Variants in GCGR observed in about 807,000 individuals in gnomAD.
GCGR encodes the protein glucagon receptor.
Under a neutral mutation model 56.1 loss-of-function variants are expected in GCGR, and 41 were observed. That is an observed-to-expected ratio of 0.73 (90% CI 0.57 to 0.95). The LOEUF is 0.95. Ranked by LOEUF, GCGR falls within the 40% of genes least tolerant of loss-of-function variation. GCGR has a pLI of 0.00. For synonymous variants in GCGR, 278 were observed against 271.1 expected (o/e 1.03, Z -0.25); for missense variants, 595 against 638.2 (o/e 0.93, Z 0.73).
At position 81,811,855 on chromosome 17, in the gene GCGR, C is replaced by T; in HGVS notation, c.818-31C>T. 6.5e-7 allele frequency: 1 copy of T among 1,537,034 alleles called. No individual in the cohort carries two copies. Among genetic ancestry groups the T allele is most frequent in the South Asian group, 1.2e-5 (1 of 84,060 alleles). ...AGGGGGTTAAGGCAGGCTGACCAAG[C>T]CTTTGGGACCACAGCTGCTGCCCCC... On this transcript the variant is annotated intron_variant, in intron 8 of 13. Coordinates refer to ENST00000400723, the MANE Select transcript of GCGR (RefSeq NM_000160.5). The surrounding 1 kb of genome is among the most constrained non-coding windows in gnomAD (Gnocchi z 5.8).
intron 2 of GCGR, among the ~76,000 whole-genome samples, chr17:81,809,453 GCC>G (rs2038039161): frequency 6.9e-6 from 1 of 144,508 alleles, no homozygotes. Flanking sequence ...CTGCCTGCCT[GCC>G]TGTCTGTCTG....
rs1233714222 is a variant in GCGR at position 81,812,572 on chromosome 17, C to T, written c.949-5C>T. On this transcript the variant is annotated splice_region_variant and splice_polypyrimidine_tract_variant and intron_variant, in intron 10 of 13. Transcript: ENST00000400723. This position sits in a 1 kb window ranked among gnomAD's most constrained non-coding sequence, Gnocchi z 8.5. The stretch of plus-strand genomic sequence containing the variant: ...ATGCCCCTGACTCGCACCCTTCTCA[C>T]ACAGATCAACTTCTTCATCTTCGTC... The T allele has an allele frequency of 1.3e-6, 2 of 1,536,316 alleles. No homozygotes were observed. Among genetic ancestry groups the T allele is most frequent in the Admixed American group, 3.9e-5 (2 of 50,950 alleles).
rs1007156142 is a variant in GCGR, at chr17:81,812,104, G to A, written c.879-79G>A. 5.3e-6 allele frequency: 8 copies of A among 1,520,698 alleles called. No individual in the cohort carries two copies. In the Admixed American group the frequency reaches 1.4e-4, roughly 26 times the overall value. The allele number at this position is 1,520,698 out of a possible 1,614,324, so 94.2% of individuals were successfully genotyped here. A position where few individuals can be genotyped will look rare whatever the true frequency, so the allele number is the denominator to read the frequency against. On this transcript the variant is annotated intron_variant, in intron 9 of 13. Coordinates refer to ENST00000400723, the MANE Select transcript of GCGR (RefSeq NM_000160.5). The surrounding 1 kb of genome is among the most constrained non-coding windows in gnomAD (Gnocchi z 8.5). The stretch of plus-strand genomic sequence containing the variant: ...TTTTCTGAGACCCGAATTAGATCCT[G>A]GCAAAATCGGGACGGGGGTGCTGAG...
In GCGR at chr17:81,812,411, C is replaced by T. The variant is rs2038121168; in HGVS notation, c.948+159C>T. ...CTGGCCAGCACCCTGGACACTGAGC[C>T]AGGCTGTTCCTCCCTGGCTGTGTGC... On this transcript the variant is annotated intron_variant, in intron 10 of 13. Transcript: ENST00000400723. This position sits in a 1 kb window ranked among gnomAD's most constrained non-coding sequence, Gnocchi z 8.5. 1 of 1,043,350 alleles carries T rather than the reference C, an allele frequency of 9.6e-7. No individual in the cohort carries two copies. Among genetic ancestry groups the T allele is most frequent in the Admixed American group, 2.3e-5 (1 of 43,784 alleles). The allele number at this position is 1,043,350 out of a possible 1,614,324, so 64.6% of individuals were successfully genotyped here.
Position 81,804,613 on chromosome 17 carries a change from G to A in GCGR, c.-178+364G>A, listed in dbSNP as rs919405556. 6.6e-6 allele frequency among the ~76,000 whole-genome samples: 1 copy of A among 151,964 alleles called. No individual in the cohort carries two copies. The highest frequency in any genetic ancestry group is 2.4e-5 in the African/African-American group (1 of 41,362). ...GCCCCGGGCCCCGCCGCCCTGGGGA[G>A]CGCACAAAGCGCCGCGGACGCGTCC... On this transcript the variant is annotated intron_variant, in intron 1 of 13. Coordinates refer to ENST00000400723, the MANE Select transcript of GCGR (RefSeq NM_000160.5). This position sits in a 1 kb window ranked among gnomAD's most constrained non-coding sequence, Gnocchi z 8.2.
intron 1 of GCGR, among the ~76,000 whole-genome samples, chr17:81,805,867 G>A (rs1014786931): frequency 2.6e-5 from 4 of 152,270 alleles, no homozygotes; most frequent in Middle Eastern, 3.4e-3. Flanking sequence ...GGGGAGCCCC[G>A]AGTGGCAGCT....
At chr17:81,808,543 G>A (rs577628182) in intron 1 of GCGR, among the ~76,000 whole-genome samples, 2 of 141,680 alleles carry the variant, frequency 1.4e-5, no homozygotes, top group South Asian at 2.2e-4. Context: ...TTTTTGAGAC[G>A]GAGTCTCGCT....
rs1296916945 is a variant in GCGR at position 81,812,173 on chromosome 17, G to A, written c.879-10G>A. 4 of 1,536,054 alleles carry A rather than the reference G, an allele frequency of 2.6e-6. No homozygotes were observed. Among genetic ancestry groups the A allele is most frequent in the Non-Finnish European group, 3.5e-6 (4 of 1,146,784 alleles). Reference sequence around the variant, plus strand: ...CTGTGCCCCAGTATGTGAGTGGCCTGGCCTCGCAGGTGCTGGACCAGCAAT... The same window carrying A: ...CTGTGCCCCAGTATGTGAGTGGCCTAGCCTCGCAGGTGCTGGACCAGCAAT... On this transcript the variant is annotated splice_polypyrimidine_tract_variant and intron_variant, in intron 9 of 13. Coordinates refer to ENST00000400723, the MANE Select transcript of GCGR (RefSeq NM_000160.5). This position sits in a 1 kb window ranked among gnomAD's most constrained non-coding sequence, Gnocchi z 8.5.
Position 81,812,394 on chromosome 17 carries a change from C to T in GCGR, c.948+142C>T, listed in dbSNP as rs965032015. 4 of 1,062,496 alleles carry T rather than the reference C, an allele frequency of 3.8e-6. No individual in the cohort carries two copies. Among genetic ancestry groups the T allele is most frequent in the Non-Finnish European group, 4.1e-6 (3 of 734,814 alleles). 65.8% of individuals were successfully genotyped at this position (1,062,496 alleles called of 1,614,324 possible). On this transcript the variant is annotated intron_variant, in intron 10 of 13. Transcript: ENST00000400723. This position sits in a 1 kb window ranked among gnomAD's most constrained non-coding sequence, Gnocchi z 8.5. ...GACAGGACACCAGGACACTGGCCAG[C>T]ACCCTGGACACTGAGCCAGGCTGTT...
chr17:81,812,334 C>G lies in GCGR; in HGVS notation c.948+82C>G. On this transcript the variant is annotated intron_variant, in intron 10 of 13. Transcript: ENST00000400723. The surrounding 1 kb of genome is among the most constrained non-coding windows in gnomAD (Gnocchi z 8.5). The stretch of plus-strand genomic sequence containing the variant: ...AGGCTGCCCCAGGAGACAGCAGCAT[C>G]CTGTCTGAGAGCGCTGGGAGGGAGC... 6.9e-7 allele frequency: 1 copy of G among 1,459,758 alleles called. No individual in the cohort carries two copies. The highest frequency in any genetic ancestry group is 9.3e-7 in the Non-Finnish European group (1 of 1,079,716). 90.4% of individuals were successfully genotyped at this position (1,459,758 alleles called of 1,614,324 possible). A position where few individuals can be genotyped will look rare whatever the true frequency, so the allele number is the denominator to read the frequency against.
chr17:81,807,137 A>G (rs187396922), intron 1 of GCGR, among the ~76,000 whole-genome samples: 5 of 152,190 alleles, frequency 3.3e-5, no homozygotes, highest in Admixed American at 1.3e-4. Flanking sequence ...GCGTGACCCC[A>G]GAGCTGGGGA....
chr17:81,804,150 G>T lies in GCGR; in HGVS notation c.-277G>T. On this transcript the variant is annotated 5_prime_UTR_variant, in exon 1 of 14. Coordinates refer to ENST00000400723, the MANE Select transcript of GCGR (RefSeq NM_000160.5). This position sits in a 1 kb window ranked among gnomAD's most constrained non-coding sequence, Gnocchi z 8.2. ...CCGCCGGAAAGTTTGCACCGACCCC[G>T]ATCTGGCAGCGCCGCGAAGACGAGC... 6.6e-6 allele frequency: 1 copy of T among 151,516 alleles called. No individual in the cohort carries two copies. Among genetic ancestry groups the T allele is most frequent in the South Asian group, 2.0e-4 (1 of 5,044 alleles). 9.4% of individuals were successfully genotyped at this position (151,516 alleles called of 1,614,324 possible).
rs997738885 is a variant in GCGR at position 81,811,917 on chromosome 17, A to G, written c.849A>G (p.Ala283=). Residue 283 remains alanine (A), a synonymous_variant, in exon 9 of 14, where the codon GCA becomes GCG. Transcript: ENST00000400723. The surrounding 1 kb of genome is among the most constrained non-coding windows in gnomAD (Gnocchi z 5.8). ...GAPMLFVVPW[A]VVKCLFENVQ... The stretch of plus-strand genomic sequence containing the variant: ...CCATGCTGTTCGTCGTCCCCTGGGC[A>G]GTGGTCAAGTGTCTGTTCGAGAACG... The G allele has an allele frequency of 1.4e-5, 21 of 1,536,640 alleles. No homozygotes were observed. The highest frequency in any genetic ancestry group is 1.7e-5 in the Non-Finnish European group (19 of 1,146,774).
chr17:81,813,219 G>A lies in GCGR; in HGVS notation c.1218+162G>A, dbSNP rs1034567083. On this transcript the variant is annotated intron_variant, in intron 13 of 13. Transcript: ENST00000400723. The surrounding 1 kb of genome is among the most constrained non-coding windows in gnomAD (Gnocchi z 5.3). ...TCTTATTGGGTGCAGTTGCCATGGCGCTGGGTGTCAGGCCCCCAGGACAGG... is the reference window on the plus strand; with the variant it reads ...TCTTATTGGGTGCAGTTGCCATGGCACTGGGTGTCAGGCCCCCAGGACAGG... Among the ~76,000 whole-genome samples, 2 of 152,300 alleles carry A rather than the reference G, an allele frequency of 1.3e-5. No homozygotes were observed. Among genetic ancestry groups the A allele is most frequent in the South Asian group, 2.1e-4 (1 of 4,826 alleles).
rs555106408 is a variant in GCGR at position 81,811,228 on chromosome 17, G to A, written c.400G>A (p.Val134Met). The A allele has an allele frequency of 6.5e-7, 1 of 1,536,234 alleles. No individual in the cohort carries two copies. The highest frequency in any genetic ancestry group is 1.2e-5 in the South Asian group (1 of 84,064). The change falls in exon 6 of 14, where the codon GTG (valine) becomes ATG (methionine). Residue 134 changes from valine to methionine, a missense_variant. By Grantham distance (21) the Val-to-Met change is conservative. Transcript: ENST00000400723. This position sits in a 1 kb window ranked among gnomAD's most constrained non-coding sequence, Gnocchi z 5.8. ...DGEEIEVQKE[V>M]AKMYSSFQVM... is the part of the protein sequence containing the mutation. ...AGGCCACTGTAACTCGCAGAAGGAG[G>A]TGGCCAAGATGTACAGCAGCTTCCA...
At chr17:81,805,259 A>T (rs2037932384) in intron 1 of GCGR, 1 of 152,290 alleles carries the variant, frequency 6.6e-6, no homozygotes, top group East Asian at 1.9e-4. Flanking sequence ...AGCCGCCCCC[A>T]GTGGGAATCG....
At chr17:81,807,771 C>T (rs1376089721) in intron 1 of GCGR, among the ~76,000 whole-genome samples, 1 of 152,258 alleles carries the variant, frequency 6.6e-6, no homozygotes, top group African/African-American at 2.4e-5. Context: ...CCTGCTTCTC[C>T]CACAGAATTC....
At chr17:81,809,565 G>A (rs1459470780) in intron 2 of GCGR, among the ~76,000 whole-genome samples, 1 of 148,348 alleles carries the variant, frequency 6.7e-6, no homozygotes, top group Non-Finnish European at 1.5e-5. Context: ...CTGCCTGTCC[G>A]TCTGCCTGTC....
rs2038066333 is a variant in GCGR, at chr17:81,810,299, G to A, written c.163+415G>A. ...CACTTGGGGTGCAGGGAGAGGATAG[G>A]GCTGGAGGACTCACCCGGGAGGCAG... On this transcript the variant is annotated intron_variant, in intron 3 of 13. Coordinates refer to ENST00000400723, the MANE Select transcript of GCGR (RefSeq NM_000160.5). This position sits in a 1 kb window ranked among gnomAD's most constrained non-coding sequence, Gnocchi z 4.6. The A allele has an allele frequency of 2.9e-6, 1 of 345,996 alleles. No individual in the cohort carries two copies. Among genetic ancestry groups the A allele is most frequent in the Admixed American group, 4.1e-5 (1 of 24,616 alleles). The allele number at this position is 345,996 out of a possible 1,614,324, so 21.4% of individuals were successfully genotyped here.
Sources: gnomAD v4.1 joint callset for allele counts (sites outside exome capture counted in the v4.1 genomes callset) on GRCh38, gnomAD v4.1.1 for gene constraint, Gnocchi (gnomAD v3.1) non-coding constraint, MANE v1.5 for transcripts, NCBI Gene and HGNC (gene_info 2026-07-23, HGNC 2026-07-21) for gene names.